The following TMEM260 variants were observed in gnomAD, a reference collection of about 807,000 sequenced individuals.
TMEM260 encodes the protein protein O-mannosyl-transferase TMEM260.
Under a neutral mutation model 88.9 loss-of-function variants are expected in TMEM260, and 82 were observed. The observed-to-expected ratio is 0.92, with a 90% confidence interval of 0.77 to 1.11. TMEM260 has a LOEUF of 1.11. Ranked by LOEUF, TMEM260 falls within the 50% of genes least tolerant of loss-of-function variation. TMEM260 has a pLI of 0.00. For missense variants in TMEM260, 902 were observed against 853.4 expected, an observed-to-expected ratio of 1.06 and a Z score of -0.71; for synonymous variants, 314 against 309.3, an observed-to-expected ratio of 1.02 and a Z score of -0.16.
At chr14:56,601,098 C>T (rs1886543559) in intron 3 of TMEM260, among the ~76,000 whole-genome samples, 1 of 152,034 alleles carries the variant, frequency 6.6e-6, no homozygotes, top group Non-Finnish European at 1.5e-5. Flanking sequence ...TCTAAGGTAA[C>T]CAGATAAATG....
chr14:56,618,139 A>G (rs1887698316), intron 9 of TMEM260, among the ~76,000 whole-genome samples: 1 of 152,002 alleles, frequency 6.6e-6, no homozygotes, highest in African/African-American at 2.4e-5. Context: ...AGAAAGTGAG[A>G]TGAAAAGGGA....
intron 12 of TMEM260, 119 bp from the exon 13 acceptor site, chr14:56,632,876 A>T: frequency 1.1e-6 from 1 of 949,532 alleles, no homozygotes; most frequent in South Asian, 1.7e-5. Flanking sequence ...ATTTTTCCAA[A>T]ATCATATAGG....
chr14:56,607,266 G>T (rs767185049), intron 5 of TMEM260, among the ~76,000 whole-genome samples: 1 of 152,170 alleles, frequency 6.6e-6, no homozygotes, highest in Admixed American at 6.5e-5. Flanking sequence ...AGACATCAGA[G>T]GGGTGCATTC....
Position 56,630,886 on chromosome 14 carries a change from G to A in TMEM260, c.1548-2109G>A, listed in dbSNP as rs1001716762. Among the ~76,000 whole-genome samples, 9 of 152,118 alleles carry A rather than the reference G, an allele frequency of 5.9e-5. 1 individual carries two copies. The highest frequency in any genetic ancestry group is 1.2e-4 in the Non-Finnish European group (8 of 68,026). On this transcript the variant is annotated intron_variant, in intron 12 of 15. Transcript: ENST00000261556. ...TTTCAAATTCTGGCCTGCCTTCTGT[G>A]AACTGTGGTTGCAATACCGGTTCTG...
intron 11 of TMEM260, 76 bp from the exon 12 acceptor site, chr14:56,625,306 T>C: frequency 6.9e-7 from 1 of 1,454,376 alleles, no homozygotes; most frequent in Non-Finnish European, 9.5e-7. Flanking sequence ...TTTAGGTTTT[T>C]GCCATTACTT....
At chr14:56,589,124 A>G (rs1885694322) in intron 3 of TMEM260, among the ~76,000 whole-genome samples, 1 of 152,154 alleles carries the variant, frequency 6.6e-6, no homozygotes, top group African/African-American at 2.4e-5. Flanking sequence ...ATCATTAAAC[A>G]TCTATATTCT....
chr14:56,586,949 TTGTTA>T (rs1242799299), intron 3 of TMEM260, among the ~76,000 whole-genome samples: 1 of 151,832 alleles, frequency 6.6e-6, no homozygotes, highest in East Asian at 1.9e-4. Context: ...ATTATTAAAT[TTGTTA>T]TTTTAGTCTT....
intron 12 of TMEM260, among the ~76,000 whole-genome samples, chr14:56,632,049 G>T (rs1243442054): frequency 1.3e-5 from 2 of 152,144 alleles, no homozygotes; most frequent in Non-Finnish European, 2.9e-5. Flanking sequence ...CTGGGTGGTG[G>T]TCTGTCCTGT....
rs374662645 is a variant in TMEM260 at position 56,636,467 on chromosome 14, G to A, written c.1779-41G>A. ...TTTAGCTAGCCCTGAATGTGCAATTGACTGTATGATTTTAATGAAGGTTCC... is the reference window on the plus strand; with the variant it reads ...TTTAGCTAGCCCTGAATGTGCAATTAACTGTATGATTTTAATGAAGGTTCC... On this transcript the variant is annotated intron_variant, in intron 14 of 15. Transcript: ENST00000261556. The A allele has an allele frequency of 2.0e-6, 3 of 1,520,002 alleles. No individual in the cohort carries two copies. The African/African-American group carries it at 4.1e-5, about 21-fold the overall frequency. 94.2% of individuals were successfully genotyped at this position (1,520,002 alleles called of 1,614,324 possible). A position where few individuals can be genotyped will look rare whatever the true frequency, so the allele number is the denominator to read the frequency against.
chr14:56,604,116 C>A, intron 4 of TMEM260, 124 bp downstream of exon 4: 1 of 903,238 alleles, frequency 1.1e-6, no homozygotes, highest in Non-Finnish European at 1.6e-6. Flanking sequence ...ATCTAGCATG[C>A]TGAGAGAGAA....
intron 2 of TMEM260, 130 bp downstream of exon 2, chr14:56,585,162 C>T: frequency 4.2e-6 from 3 of 707,320 alleles, no homozygotes; most frequent in Non-Finnish European, 6.7e-6. Context: ...CTTATAAGTA[C>T]AGTACGTGAC....
chr14:56,657,587 T>C, the TMEM260 span, among the ~76,000 whole-genome samples: 12,843 of 152,246 alleles, frequency 0.084, 955 homozygotes, highest in African/African-American at 0.19. Context: ...AAAGCCAAAA[T>C]GCCAAACTAA....
intron 11 of TMEM260, among the ~76,000 whole-genome samples, chr14:56,624,106 A>G (rs990093294): frequency 4.6e-5 from 7 of 152,348 alleles, no homozygotes; most frequent in African/African-American, 1.7e-4. Context: ...AAATGCCAAA[A>G]GAGTTTTTAA....
At chr14:56,609,349 C>A in intron 6 of TMEM260, 64 bp downstream of exon 6, 1 of 1,447,702 alleles carries the variant, frequency 6.9e-7, no homozygotes, top group Non-Finnish European at 9.5e-7. Flanking sequence ...TCTGCCTGGG[C>A]CTTGATTAAA....
At chr14:56,618,320 G>C (rs1337303664) in intron 9 of TMEM260, among the ~76,000 whole-genome samples, 1 of 152,178 alleles carries the variant, frequency 6.6e-6, no homozygotes, top group Non-Finnish European at 1.5e-5. Flanking sequence ...CCTTCAGCCT[G>C]TATATTACTG....
chr14:56,615,134 A>G (rs1887519751), intron 7 of TMEM260, among the ~76,000 whole-genome samples: 1 of 152,242 alleles, frequency 6.6e-6, no homozygotes, highest in Non-Finnish European at 1.5e-5. Flanking sequence ...GAGTAAGGAT[A>G]TCTTCTCATA....
chr14:56,621,771 T>A (rs2139599284), intron 11 of TMEM260, 69 bp downstream of exon 11: 7 of 1,362,334 alleles, frequency 5.1e-6, no homozygotes, highest in Non-Finnish European at 7.0e-6. Context: ...AAAAAACATC[T>A]TTTTTAAAAT....
At chr14:56,643,085 C>G (rs960807251) in intron 15 of TMEM260, among the ~76,000 whole-genome samples, 4 of 152,268 alleles carry the variant, frequency 2.6e-5, no homozygotes, top group Non-Finnish European at 2.9e-5. Context: ...ACCAGAGGTA[C>G]AAGGAGGAAC....
At chr14:56,634,739 G>A (rs1472136270) in intron 13 of TMEM260, among the ~76,000 whole-genome samples, 160 bp from the exon 14 acceptor site, 1 of 152,080 alleles carries the variant, frequency 6.6e-6, no homozygotes, top group Non-Finnish European at 1.5e-5. Flanking sequence ...CTACTTGGGA[G>A]GCGGGGGCAG....
Sources: gnomAD v4.1 joint callset for allele counts (sites outside exome capture counted in the v4.1 genomes callset) on GRCh38, gnomAD v4.1.1 for gene constraint, MANE v1.5 for transcripts, NCBI Gene and HGNC (gene_info 2026-07-23, HGNC 2026-07-21) for gene names.